The following CDKAL1 variants were observed in gnomAD, a reference collection of about 807,000 sequenced individuals.
CDKAL1 encodes the protein threonylcarbamoyladenosine tRNA methylthiotransferase.
CDKAL1 carries 32 observed loss-of-function variants against 68.2 expected under a neutral mutation model. The ratio of observed to expected loss-of-function variants is 0.47; its 90% confidence interval spans 0.35 to 0.63. The LOEUF (loss-of-function observed/expected upper bound fraction) is 0.63. CDKAL1 is among the 30% of genes least tolerant of loss of function. The pLI is 0.00. For synonymous variants in CDKAL1, 234 were observed against 244.3 expected, an observed-to-expected ratio of 0.96 and a Z score of 0.39; for missense variants, 606 against 696.7, an observed-to-expected ratio of 0.87 and a Z score of 1.47.
intron 11 of CDKAL1, among the ~76,000 whole-genome samples, chr6:21,063,049 G>A (rs1481836594): frequency 6.6e-6 from 1 of 152,094 alleles, no homozygotes; most frequent in African/African-American, 2.4e-5. Context: ...CGAAGAGCTG[G>A]GATTACAGGC....
In CDKAL1 at chr6:20,859,373, C is replaced by T. The variant is rs11966194; in HGVS notation, c.742+13195C>T. On this transcript the variant is annotated intron_variant, in intron 9 of 15. Coordinates refer to ENST00000274695, the MANE Select transcript of CDKAL1 (RefSeq NM_017774.3). ...GGAAGCCACCTGGCTTTCCCTCTTC[C>T]ATTTCCTGCCTGACTCTATGGTCTT... Among the ~76,000 whole-genome samples, 584 of 152,306 alleles carry T rather than the reference C, an allele frequency of 3.8e-3. 2 individuals carry two copies. The highest frequency in any genetic ancestry group is 0.013 in the African/African-American group (559 of 41,568).
intron 10 of CDKAL1, among the ~76,000 whole-genome samples, chr6:20,975,404 C>T (rs960394422): frequency 1.3e-5 from 2 of 151,852 alleles, no homozygotes; most frequent in Non-Finnish European, 1.5e-5. Flanking sequence ...TGTGATATGC[C>T]CTGATACATA....
chr6:21,059,651 C>T (rs1771031393), intron 11 of CDKAL1, among the ~76,000 whole-genome samples: 1 of 152,054 alleles, frequency 6.6e-6, no homozygotes, highest in Admixed American at 6.5e-5. Context: ...AATTAGAGAA[C>T]CTGGATACCT....
intron 4 of CDKAL1, among the ~76,000 whole-genome samples, chr6:20,569,792 A>G: frequency 6.6e-6 from 1 of 152,192 alleles, no homozygotes; most frequent in South Asian, 2.1e-4. Flanking sequence ...TTTTCCTTAG[A>G]TATATCTAAG....
At chr6:20,860,039 A>G (rs1759530843) in intron 9 of CDKAL1, among the ~76,000 whole-genome samples, 2 of 152,060 alleles carry the variant, frequency 1.3e-5, no homozygotes, top group African/African-American at 4.8e-5. Flanking sequence ...TCTCTATCAT[A>G]TCACTCTGTT....
chr6:20,670,564 G>A (rs1178549726), intron 5 of CDKAL1, among the ~76,000 whole-genome samples: 6 of 152,136 alleles, frequency 3.9e-5, no homozygotes, highest in Non-Finnish European at 5.9e-5. Flanking sequence ...GCAGAAGTCA[G>A]CAGTGATTTT....
chr6:20,568,753 A>AACC (rs1554152129), intron 4 of CDKAL1, among the ~76,000 whole-genome samples: 4 of 127,508 alleles, frequency 3.1e-5, no homozygotes, highest in Admixed American at 7.6e-5. Flanking sequence ...AAAAAAAACA[A>AACC]AAAAACAAAA....
At chr6:20,899,360 G>A (rs547473002) in intron 9 of CDKAL1, among the ~76,000 whole-genome samples, 19 of 152,156 alleles carry the variant, frequency 1.2e-4, no homozygotes, top group African/African-American at 4.6e-4. Flanking sequence ...ACTGCGCCCG[G>A]CCCTCTAATT....
intron 13 of CDKAL1, among the ~76,000 whole-genome samples, chr6:21,187,848 T>C (rs540995491): frequency 1.3e-5 from 2 of 152,344 alleles, no homozygotes; most frequent in South Asian, 4.1e-4. Flanking sequence ...ATGTTATCAC[T>C]GGTCACTTAT....
intron 9 of CDKAL1, among the ~76,000 whole-genome samples, chr6:20,907,993 A>G (rs1762307259): frequency 1.3e-5 from 2 of 152,164 alleles, no homozygotes; most frequent in Non-Finnish European, 2.9e-5. Flanking sequence ...TCTCCCCATA[A>G]TGACCTTCAT....
intron 4 of CDKAL1, among the ~76,000 whole-genome samples, chr6:20,626,020 G>A (rs757032119): frequency 3.3e-5 from 5 of 152,074 alleles, no homozygotes; most frequent in Non-Finnish European, 5.9e-5. Flanking sequence ...CTTTTGGTGG[G>A]TGGTGGAGGG....
At chr6:20,870,700 C>T (rs1760166789) in intron 9 of CDKAL1, among the ~76,000 whole-genome samples, 1 of 152,178 alleles carries the variant, frequency 6.6e-6, no homozygotes. Context: ...CTGTTGAATC[C>T]TGGCTTGGCC....
intron 5 of CDKAL1, among the ~76,000 whole-genome samples, chr6:20,696,013 A>G (rs548858681): frequency 6.6e-6 from 1 of 152,246 alleles, no homozygotes; most frequent in South Asian, 2.1e-4. Context: ...AGATTCCTTT[A>G]TATCAGTCGC....
At chr6:20,911,293 A>T (rs1195007058) in intron 9 of CDKAL1, among the ~76,000 whole-genome samples, 1 of 152,228 alleles carries the variant, frequency 6.6e-6, no homozygotes, top group African/African-American at 2.4e-5. Context: ...AAGAATCAAG[A>T]CCAGGTCCTT....
At chr6:20,862,542 C>T (rs1435146920) in intron 9 of CDKAL1, among the ~76,000 whole-genome samples, 1 of 151,986 alleles carries the variant, frequency 6.6e-6, no homozygotes, top group Non-Finnish European at 1.5e-5. Flanking sequence ...AATGATATAA[C>T]AAGAGAGCAA....
chr6:21,163,096 C>A (rs1345699633), intron 13 of CDKAL1, among the ~76,000 whole-genome samples: 8 of 152,172 alleles, frequency 5.3e-5, no homozygotes, highest in Admixed American at 2.6e-4. Flanking sequence ...GGAATCAACT[C>A]CCTAGCACAC....
chr6:20,602,321 G>A (rs1227594734), intron 4 of CDKAL1, among the ~76,000 whole-genome samples: 4 of 152,086 alleles, frequency 2.6e-5, no homozygotes, highest in African/African-American at 9.7e-5. Flanking sequence ...CTCATGTCCA[G>A]TGACTACTGG....
intron 13 of CDKAL1, among the ~76,000 whole-genome samples, chr6:21,125,268 T>TTC (rs1431125115): frequency 6.6e-6 from 1 of 152,222 alleles, no homozygotes; most frequent in Non-Finnish European, 1.5e-5. Context: ...CCTGCATTCA[T>TTC]TCTCCTTCCT....
intron 4 of CDKAL1, among the ~76,000 whole-genome samples, chr6:20,628,856 CT>C (rs796288693): frequency 1.9e-3 from 275 of 147,774 alleles, no homozygotes; most frequent in African/African-American, 5.6e-3. Flanking sequence ...GTACAAAACC[CT>C]TTTTTTTTTG....
Sources: gnomAD v4.1 joint callset for allele counts (sites outside exome capture counted in the v4.1 genomes callset) on GRCh38, gnomAD v4.1.1 for gene constraint, MANE v1.5 for transcripts, NCBI Gene and HGNC (gene_info 2026-07-23, HGNC 2026-07-21) for gene names.